Variants in C1orf94 observed in about 807,000 individuals in gnomAD.
C1orf94 encodes uncharacterized protein C1orf94.
A neutral mutation model predicts 53.6 loss-of-function variants in C1orf94; 45 were observed. That is an observed-to-expected ratio of 0.84 (90% CI 0.66 to 1.08). The LOEUF (loss-of-function observed/expected upper bound fraction) is 1.08, where lower values mean the gene tolerates loss of function less well. Ranked by LOEUF, C1orf94 falls within the 50% of genes least tolerant of loss-of-function variation. The pLI is 0.00. For missense variants in C1orf94, 762 were observed against 738.9 expected (o/e 1.03, Z -0.36); for synonymous variants, 304 against 296.1 (o/e 1.03, Z -0.27).
At chr1:34,169,859 G>A (rs575726281) in intron 1 of C1orf94, among the ~76,000 whole-genome samples, 25 of 152,358 alleles carry the variant, frequency 1.6e-4, no homozygotes, top group African/African-American at 6.0e-4. Context: ...CCCAAGGAGT[G>A]GCGACAGAGG....
In C1orf94 at chr1:34,197,265, T is replaced by C. The variant is rs1172616988; in HGVS notation, c.361T>C (p.Leu121=). ...CAGTGGCAAAGATGAGATCTCCTTG[T>C]TGGTGGAACAGGAGTTCCTAAGCCT... is the stretch of plus-strand genomic sequence containing the variant. The part of the protein sequence containing the change: ...LSSGKDEISL[L]VEQEFLSLTK... The change falls in exon 2 of 7, where the codon TTG becomes CTG. Residue 121 remains leucine (L), a synonymous_variant. Coordinates refer to ENST00000488417, the MANE Select transcript of C1orf94 (RefSeq NM_001134734.2). This position sits in a 1 kb window ranked among gnomAD's most constrained non-coding sequence, Gnocchi z 4.1. 1 of 1,548,690 alleles carries C rather than the reference T, an allele frequency of 6.5e-7. No individual in the cohort carries two copies. Among genetic ancestry groups the C allele is most frequent in the Non-Finnish European group, 8.7e-7 (1 of 1,145,096 alleles).
chr1:34,214,249 A>G (rs1386640164), intron 6 of C1orf94, among the ~76,000 whole-genome samples: 2 of 152,340 alleles, frequency 1.3e-5, no homozygotes, highest in Middle Eastern at 3.4e-3. Flanking sequence ...AGCAAGTGGC[A>G]AGCTGGAGGC....
intron 1 of C1orf94, among the ~76,000 whole-genome samples, chr1:34,195,820 A>G (rs1642570336): frequency 6.6e-6 from 1 of 151,748 alleles, no homozygotes; most frequent in Admixed American, 6.6e-5. Context: ...GCGTTTGTAC[A>G]CAATAAGCAT....
chr1:34,216,025 A>G (rs12732263), intron 6 of C1orf94, among the ~76,000 whole-genome samples: 67,273 of 151,810 alleles, frequency 0.44, 15,955 homozygotes, highest in South Asian at 0.55. Context: ...ACAAAATAAA[A>G]CAAACAAACA....
rs1171938571 is a variant in C1orf94, at chr1:34,177,301, C to A, written c.-489C>A. On this transcript the variant is annotated 5_prime_UTR_variant, in exon 1 of 7. Transcript: ENST00000488417. ...TCCCTGGGAACGCCCAGGCGAGCGC[C>A]TCCTGCGGGGCCCCGCCCCCCGAGT... Among the ~76,000 whole-genome samples the A allele has an allele frequency of 6.6e-6, 1 of 152,094 alleles. No individual in the cohort carries two copies. Among genetic ancestry groups the A allele is most frequent in the Non-Finnish European group, 1.5e-5 (1 of 67,962 alleles).
At chr1:34,174,816 G>A (rs1033734522), upstream of C1orf94, among the ~76,000 whole-genome samples, 5 of 152,192 alleles carry the variant, frequency 3.3e-5, no homozygotes, top group Admixed American at 6.5e-5. Context: ...AAGGCACAGA[G>A]TAACTTGCCT....
rs554533333 is a variant in C1orf94 at position 34,211,039 on chromosome 1, G to A, written c.1525-1171G>A. Among the ~76,000 whole-genome samples, 45 of 152,108 alleles carry A rather than the reference G, an allele frequency of 3.0e-4. No individual in the cohort carries two copies. In the Middle Eastern group the frequency reaches 0.01, roughly 34 times the overall value. On this transcript the variant is annotated intron_variant, in intron 5 of 6. Coordinates refer to ENST00000488417, the MANE Select transcript of C1orf94 (RefSeq NM_001134734.2). The stretch of plus-strand genomic sequence containing the variant: ...CTGATTCCTGAGCACTTGGACCCCA[G>A]ACTTGCTATTAAAGTGGAAATCCAG...
intron 1 of C1orf94, 110 bp downstream of exon 1, chr1:34,178,219 T>A: frequency 8.6e-7 from 1 of 1,159,264 alleles, no homozygotes; most frequent in Non-Finnish European, 1.2e-6. Context: ...CCCTAAAGGC[T>A]GTATATTGCC....
intron 2 of C1orf94, among the ~76,000 whole-genome samples, chr1:34,200,458 T>A (rs186275705): frequency 4.0e-5 from 6 of 151,832 alleles, no homozygotes; most frequent in African/African-American, 1.4e-4. Flanking sequence ...AGATGGATAG[T>A]CAGACAAATG....
chr1:34,179,571 C>T (rs953428732), intron 1 of C1orf94, among the ~76,000 whole-genome samples: 4 of 152,362 alleles, frequency 2.6e-5, no homozygotes, highest in East Asian at 1.9e-4. Flanking sequence ...TGCTTAACTC[C>T]ATTTGGCCTT....
chr1:34,192,753 C>T (rs746407921), intron 1 of C1orf94, among the ~76,000 whole-genome samples: 3 of 152,068 alleles, frequency 2.0e-5, no homozygotes, highest in Middle Eastern at 3.2e-3. Flanking sequence ...ACACTGGAAC[C>T]GAGGCCTGAG....
chr1:34,168,071 G>C (rs1571329789), intron 1 of C1orf94, among the ~76,000 whole-genome samples: 1 of 152,144 alleles, frequency 6.6e-6, no homozygotes, highest in Non-Finnish European at 1.5e-5. Flanking sequence ...TATGGTGCTA[G>C]GAGAAACAAT....
At position 34,209,821 on chromosome 1, in the gene C1orf94, T is replaced by C. The variant is rs141232179; in HGVS notation, c.1524+1587T>C. ...CCCTTGAACAAGAATATCGTCCACC[T>C]GGCTCCAGAGAGAATATTTTTAAAT... On this transcript the variant is annotated intron_variant, in intron 5 of 6. Coordinates refer to ENST00000488417, the MANE Select transcript of C1orf94 (RefSeq NM_001134734.2). 1.1e-3 allele frequency among the ~76,000 whole-genome samples: 162 copies of C among 152,258 alleles called. 1 individual carries two copies. The highest frequency in any genetic ancestry group is 3.7e-3 in the African/African-American group (152 of 41,544).
At chr1:34,178,999 G>A (rs1318491526) in intron 1 of C1orf94, among the ~76,000 whole-genome samples, 2 of 152,176 alleles carry the variant, frequency 1.3e-5, no homozygotes, top group South Asian at 2.1e-4. Context: ...AAGACTAACC[G>A]ATAATTAAGT....
At chr1:34,206,194 C>T (rs1439817500) in intron 4 of C1orf94, among the ~76,000 whole-genome samples, 1 of 152,048 alleles carries the variant, frequency 6.6e-6, no homozygotes, top group Non-Finnish European at 1.5e-5. Context: ...CACCTTCCTC[C>T]CTGGTGCTCC....
chr1:34,205,217 C>T (rs758691937), intron 4 of C1orf94, among the ~76,000 whole-genome samples: 17 of 152,148 alleles, frequency 1.1e-4, no homozygotes, highest in Non-Finnish European at 2.4e-4. Flanking sequence ...AGCAGAAGGA[C>T]CCTGGCTGGT....
intron 2 of C1orf94, among the ~76,000 whole-genome samples, chr1:34,199,362 G>A (rs1642656755): frequency 6.6e-6 from 1 of 152,214 alleles, no homozygotes; most frequent in Non-Finnish European, 1.5e-5. Context: ...GCTAGGGGCT[G>A]AATTCGGCAA....
At chr1:34,191,187 G>A (rs1642474312) in intron 1 of C1orf94, among the ~76,000 whole-genome samples, 2 of 152,198 alleles carry the variant, frequency 1.3e-5, no homozygotes, top group African/African-American at 2.4e-5. Flanking sequence ...TATGGATACA[G>A]GAGGTTGTGA....
chr1:34,178,118 C>G lies in C1orf94; in HGVS notation c.320+9C>G. On this transcript the variant is annotated intron_variant, in intron 1 of 6. Transcript: ENST00000488417. ...CTCAGCTTTCAAGAAGAGTAAGTAC[C>G]CCCCTACTCCATTGGCAGCAAGGGA... The G allele has an allele frequency of 1.2e-5, 19 of 1,547,282 alleles. No individual in the cohort carries two copies. The highest frequency in any genetic ancestry group is 1.6e-5 in the Non-Finnish European group (18 of 1,143,862).
Sources: allele counts gnomAD v4.1 joint callset (sites outside exome capture counted in the v4.1 genomes callset), GRCh38; gene constraint gnomAD v4.1.1; non-coding constraint Gnocchi (gnomAD v3.1); transcripts MANE v1.5; gene names NCBI Gene and HGNC (gene_info 2026-07-23, HGNC 2026-07-21).